Variants in SGPP1 observed in about 807,000 individuals in gnomAD.
SGPP1 encodes hSPP1.
Under a neutral mutation model 33.0 loss-of-function variants are expected in SGPP1, and 21 were observed. That is an observed-to-expected ratio of 0.64 (90% CI 0.45 to 0.92). SGPP1 has a LOEUF of 0.92. Among genes scored for constraint, SGPP1 ranks in the 40% least tolerant of loss-of-function variants. The probability of loss-of-function intolerance (pLI) is 0.00; values close to 1 mark genes in which losing one functional copy is unlikely to be tolerated. For synonymous variants in SGPP1, 239 were observed against 241.2 expected (o/e 0.99, Z 0.08); for missense variants, 543 against 589.4 (o/e 0.92, Z 0.81).
chr14:63,696,622 A>G (rs940781041), intron 2 of SGPP1, among the ~76,000 whole-genome samples: 3 of 152,248 alleles, frequency 2.0e-5, no homozygotes, highest in African/African-American at 7.2e-5. Context: ...AAAGAAGTGT[A>G]TGTAAATTCA....
At chr14:63,725,675 A>G (rs1053412597) in intron 1 of SGPP1, among the ~76,000 whole-genome samples, 5 of 152,218 alleles carry the variant, frequency 3.3e-5, no homozygotes, top group African/African-American at 1.2e-4. Flanking sequence ...AATATCCCAT[A>G]AACGATTCAG....
At chr14:63,709,666 T>C (rs542262910) in intron 1 of SGPP1, among the ~76,000 whole-genome samples, 5 of 152,298 alleles carry the variant, frequency 3.3e-5, no homozygotes, top group Non-Finnish European at 2.9e-5. Context: ...ATTAAATCTT[T>C]AGGTCTTATA....
intron 2 of SGPP1, among the ~76,000 whole-genome samples, chr14:63,695,565 TATAG>T (rs973848256): frequency 4.2e-4 from 64 of 152,306 alleles, no homozygotes; most frequent in African/African-American, 1.5e-3. Flanking sequence ...AAGTAAAAAT[TATAG>T]ATAAACAATA....
rs575931700 is a variant in SGPP1, at chr14:63,721,611, C to T, written c.684+5650G>A. ...AGTGATCAATTTTTCTTGGATCTTG[C>T]AGCCTCCTCTGGTCTTTACTGTGAC... On this transcript the variant is annotated intron_variant, in intron 1 of 2. Transcript: ENST00000247225. Among the ~76,000 whole-genome samples the T allele has an allele frequency of 2.6e-5, 4 of 152,296 alleles. No homozygotes were observed. The South Asian group carries it at 8.3e-4, about 32-fold the overall frequency.
At chr14:63,706,439 T>TA (rs1330094380) in intron 1 of SGPP1, among the ~76,000 whole-genome samples, 27 of 151,206 alleles carry the variant, frequency 1.8e-4, no homozygotes, top group Non-Finnish European at 3.1e-4. Context: ...TACCCCAAGT[T>TA]AAAAAAAAAT....
At chr14:63,707,682 G>A (rs150858099) in intron 1 of SGPP1, among the ~76,000 whole-genome samples, 8 of 152,166 alleles carry the variant, frequency 5.3e-5, no homozygotes, top group African/African-American at 1.7e-4. Flanking sequence ...CCAACCTCAT[G>A]TGATCCACCT....
intron 1 of SGPP1, among the ~76,000 whole-genome samples, chr14:63,706,721 G>T (rs891407682): frequency 6.6e-6 from 1 of 152,162 alleles, no homozygotes; most frequent in Admixed American, 6.5e-5. Flanking sequence ...AGTTCTAAGA[G>T]CAACTGTGAA....
At chr14:63,691,971 A>G (rs991675820) in intron 2 of SGPP1, among the ~76,000 whole-genome samples, 1 of 152,214 alleles carries the variant, frequency 6.6e-6, no homozygotes, top group Non-Finnish European at 1.5e-5. Context: ...AAAAAAGAAG[A>G]AAGGAAGAAA....
chr14:63,723,256 T>A, intron 1 of SGPP1, among the ~76,000 whole-genome samples: 1 of 152,286 alleles, frequency 6.6e-6, no homozygotes, highest in South Asian at 2.1e-4. Context: ...CAATGAATAA[T>A]ATGAGAGCAA....
chr14:63,718,738 G>A (rs2139652487), intron 1 of SGPP1, among the ~76,000 whole-genome samples: 2 of 150,852 alleles, frequency 1.3e-5, no homozygotes, highest in African/African-American at 4.9e-5. Context: ...GGTACCCATA[G>A]CAATAAAAAA....
At position 63,727,344 on chromosome 14, in the gene SGPP1, C is replaced by A; in HGVS notation, c.601G>T (p.Glu201Ter). The change falls in exon 1 of 3, where the codon GAG becomes TAG. Residue 201 changes from glutamate to a stop codon, truncating the protein, a stop_gained. Coordinates refer to ENST00000247225, the MANE Select transcript of SGPP1 (RefSeq NM_030791.4). LOFTEE classifies it high-confidence loss of function. ...GCATGGGTGGAGGGCATGCTGTACT[C>A]AGAGTTGTAGAAGACCTCCAACTTG... ...VVKLEVFYNS[E>*]YSMPSTHAMS... is the part of the protein sequence containing the mutation. The A allele has an allele frequency of 6.2e-7, 1 of 1,614,146 alleles. No homozygotes were observed. Among genetic ancestry groups the A allele is most frequent in the Non-Finnish European group, 8.5e-7 (1 of 1,180,024 alleles).
At position 63,728,034 on chromosome 14, in the gene SGPP1, A is replaced by C. The variant is rs1595076812; in HGVS notation, c.-90T>G. The C allele has an allele frequency of 7.4e-7, 1 of 1,355,970 alleles. No homozygotes were observed. 84.0% of individuals were successfully genotyped at this position (1,355,970 alleles called of 1,614,324 possible). On this transcript the variant is annotated 5_prime_UTR_variant, in exon 1 of 3. Transcript: ENST00000247225. ...TGGCCAGCGGCAGCGGAACCGGCAC[A>C]GCGCTCTACCCTCCGGAGTCTGCCG... is the stretch of plus-strand genomic sequence containing the variant.
At chr14:63,711,587 C>A (rs1309990551) in intron 1 of SGPP1, among the ~76,000 whole-genome samples, 1 of 152,152 alleles carries the variant, frequency 6.6e-6, no homozygotes, top group Admixed American at 6.5e-5. Flanking sequence ...TGGGGGAGGT[C>A]AGTCTTCTCT....
At chr14:63,701,717 G>T (rs959632185) in intron 1 of SGPP1, among the ~76,000 whole-genome samples, 1 of 152,008 alleles carries the variant, frequency 6.6e-6, no homozygotes, top group African/African-American at 2.4e-5. Flanking sequence ...ATCAAATGGG[G>T]AGCCACTGCA....
rs1293683771 is a variant in SGPP1, at chr14:63,690,039, CG to C, written c.775-3384del. Reference sequence around the variant, plus strand: ...GGGTTTTGGATTAGTTAATTGATTACGGTTGAACTTGAATGCTTCTCTGTTT... The same window carrying C: ...GGGTTTTGGATTAGTTAATTGATTACGTTGAACTTGAATGCTTCTCTGTTT... On this transcript the variant is annotated intron_variant, in intron 2 of 2. Coordinates refer to ENST00000247225, the MANE Select transcript of SGPP1 (RefSeq NM_030791.4). 7.9e-5 allele frequency among the ~76,000 whole-genome samples: 12 copies of C among 152,112 alleles called. No individual in the cohort carries two copies. The East Asian group carries it at 1.7e-3, about 22-fold the overall frequency.
rs767557284 is a variant in SGPP1 at position 63,727,411 on chromosome 14, C to T, written c.534G>A (p.Lys178=). The T allele has an allele frequency of 1.2e-6, 2 of 1,614,016 alleles. No individual in the cohort carries two copies. The highest frequency in any genetic ancestry group is 1.1e-5 in the South Asian group (1 of 91,078). Residue 178 remains lysine, a synonymous_variant, in exon 1 of 3, where the codon AAG becomes AAA. Coordinates refer to ENST00000247225, the MANE Select transcript of SGPP1 (RefSeq NM_030791.4). Reference sequence around the variant, plus strand: ...CGGGCCTCGGCCAGCGGATGATGTCCTTGGTGCACTGGCCCAGGTACATGA... The same window carrying T: ...CGGGCCTCGGCCAGCGGATGATGTCTTTGGTGCACTGGCCCAGGTACATGA... ...VLVMYLGQCT[K]DIIRWPRPAS... is the part of the protein sequence containing the mutation.
intron 1 of SGPP1, among the ~76,000 whole-genome samples, chr14:63,718,992 A>ATG (rs1319408436): frequency 6.0e-5 from 1 of 16,596 alleles, no homozygotes; most frequent in Non-Finnish European, 1.2e-4. Flanking sequence ...ATATATATAT[A>ATG]TATATATATA....
chr14:63,704,796 C>G (rs746094032), intron 1 of SGPP1, among the ~76,000 whole-genome samples: 1 of 152,046 alleles, frequency 6.6e-6, no homozygotes, highest in Non-Finnish European at 1.5e-5. Flanking sequence ...GCATGTGTAA[C>G]AAAAGAAAAA....
chr14:63,686,068 G>T lies in SGPP1; in HGVS notation c.*37C>A, dbSNP rs779377646. The T allele has an allele frequency of 7.4e-7, 1 of 1,355,724 alleles. No homozygotes were observed. 84.0% of individuals were successfully genotyped at this position (1,355,724 alleles called of 1,614,324 possible). On this transcript the variant is annotated 3_prime_UTR_variant, in exon 3 of 3. Transcript: ENST00000247225. ...AATATATTTTTGGGTATCAGTAACT[G>T]ATACCCTCCTTTCTTATCATAAACA...
Sources: gnomAD v4.1 joint callset for allele counts (sites outside exome capture counted in the v4.1 genomes callset) on GRCh38, gnomAD v4.1.1 for gene constraint, MANE v1.5 for transcripts, NCBI Gene and HGNC (gene_info 2026-07-23, HGNC 2026-07-21) for gene names.